DNAH9: variants seen among roughly 807,000 people sequenced by gnomAD.
DNAH9 encodes the protein DNAH9 variant protein.
Under a neutral mutation model 471.6 loss-of-function variants are expected in DNAH9, and 345 were observed. The ratio of observed to expected loss-of-function variants is 0.73; its 90% CI spans 0.67 to 0.80. The LOEUF is 0.80. Ranked by LOEUF, DNAH9 falls within the 30% of genes least tolerant of loss-of-function variation. DNAH9 has a pLI of 0.00. For synonymous variants in DNAH9, 2,093 were observed against 2,123.6 expected (o/e 0.99, Z 0.40); for missense variants, 5,407 against 5,609.2 (o/e 0.96, Z 1.15).
chr17:11,888,262 C>A (rs760112459), intron 57 of DNAH9, among the ~76,000 whole-genome samples: 22 of 152,114 alleles, frequency 1.4e-4, no homozygotes, highest in Non-Finnish European at 2.4e-4. Flanking sequence ...GGATTACAGG[C>A]GTGAGCCACT....
chr17:11,864,062 A>T (rs1366532203), intron 50 of DNAH9, among the ~76,000 whole-genome samples: 7 of 150,554 alleles, frequency 4.6e-5, no homozygotes, highest in African/African-American at 1.2e-4. Context: ...GCCTTCTGCT[A>T]GCTTTTAAAT....
At chr17:11,807,950 G>A in intron 44 of DNAH9, 56 bp downstream of exon 44, 6 of 1,540,198 alleles carry the variant, frequency 3.9e-6, no homozygotes, top group Non-Finnish European at 5.3e-6. Context: ...ACCAGCCACA[G>A]TTCCATCATC....
At chr17:11,666,451 A>T (rs2073869781) in intron 15 of DNAH9, among the ~76,000 whole-genome samples, 1 of 152,196 alleles carries the variant, frequency 6.6e-6, no homozygotes. Context: ...TTTCTCCAAG[A>T]TTACCAAAGT....
intron 48 of DNAH9, among the ~76,000 whole-genome samples, chr17:11,826,363 G>A (rs908186992): frequency 1.3e-5 from 2 of 151,244 alleles, no homozygotes; most frequent in Non-Finnish European, 2.9e-5. Context: ...GAAGCTGGGG[G>A]GGTAATTTTA....
At chr17:11,836,376 A>G (rs1205701797) in intron 49 of DNAH9, among the ~76,000 whole-genome samples, 1 of 152,160 alleles carries the variant, frequency 6.6e-6, no homozygotes, top group African/African-American at 2.4e-5. Flanking sequence ...ATGTGAGTGC[A>G]TTTTTGTATT....
Position 11,757,702 on chromosome 17 carries a change from G to A in DNAH9, c.6995+10G>A. On this transcript the variant is annotated intron_variant, in intron 35 of 68. Coordinates refer to ENST00000262442, the MANE Select transcript of DNAH9 (RefSeq NM_001372.4). Reference sequence around the variant, plus strand: ...ACACACTCAGAACCAGGTAGGCCAAGAAACAAGGAAGATAGAGAGTTAAAG... The same window carrying A: ...ACACACTCAGAACCAGGTAGGCCAAAAAACAAGGAAGATAGAGAGTTAAAG... The A allele has an allele frequency of 5.6e-6, 9 of 1,613,304 alleles. No individual in the cohort carries two copies. The Middle Eastern group carries it at 5.3e-4, about 95-fold the overall frequency.
chr17:11,877,188 G>A (rs113144546), intron 53 of DNAH9, among the ~76,000 whole-genome samples: 6,847 of 151,338 alleles, frequency 0.045, 443 homozygotes, highest in African/African-American at 0.14. Flanking sequence ...AAGTAATGGA[G>A]GCAGCTGGGC....
Position 11,610,387 on chromosome 17 carries a change from C to T in DNAH9, c.615-9C>T, listed in dbSNP as rs2072609079. ...GTTGTTATCATTGTTGTTGTTTTGT[C>T]TTTCACAGCTTGGATTCTATAGATA... On this transcript the variant is annotated splice_polypyrimidine_tract_variant and intron_variant, in intron 2 of 68. Transcript: ENST00000262442. 6.2e-7 allele frequency: 1 copy of T among 1,609,322 alleles called. No individual in the cohort carries two copies. Among genetic ancestry groups the T allele is most frequent in the Non-Finnish European group, 8.5e-7 (1 of 1,177,626 alleles).
At chr17:11,636,975 G>A (rs2073178435) in intron 9 of DNAH9, among the ~76,000 whole-genome samples, 191 bp downstream of exon 9, 1 of 152,202 alleles carries the variant, frequency 6.6e-6, no homozygotes, top group Non-Finnish European at 1.5e-5. Flanking sequence ...GGCTTTCCCT[G>A]TTTCTGGGGC....
chr17:11,955,299 A>C (rs1181207860), intron 67 of DNAH9, among the ~76,000 whole-genome samples: 3 of 152,140 alleles, frequency 2.0e-5, no homozygotes, highest in Admixed American at 1.3e-4. Context: ...ATGGCCCACA[A>C]AGCCTGTAAT....
chr17:11,627,409 A>C (rs538573045), intron 6 of DNAH9, among the ~76,000 whole-genome samples: 1 of 152,326 alleles, frequency 6.6e-6, no homozygotes, highest in South Asian at 2.1e-4. Flanking sequence ...TCTACCTTTT[A>C]AAATGGTACG....
intron 27 of DNAH9, among the ~76,000 whole-genome samples, chr17:11,725,878 C>T (rs1017889091): frequency 2.6e-5 from 4 of 151,810 alleles, no homozygotes; most frequent in African/African-American, 7.3e-5. Flanking sequence ...AAAAAACAAA[C>T]AAAAAAAATT....
At chr17:11,636,553 A>G in intron 8 of DNAH9, 81 bp from the exon 9 acceptor site, 1 of 1,188,922 alleles carries the variant, frequency 8.4e-7, no homozygotes, top group Non-Finnish European at 1.2e-6. Flanking sequence ...TATAAAGGAA[A>G]ACCAGAACAC....
At chr17:11,781,852 A>AAAAAAAAC (rs1567798343) in intron 39 of DNAH9, among the ~76,000 whole-genome samples, 2 of 149,734 alleles carry the variant, frequency 1.3e-5, no homozygotes. Context: ...AACAAACAAA[A>AAAAAAAAC]AAAAAACTAC....
At chr17:11,675,418 A>G (rs1305516481) in intron 17 of DNAH9, among the ~76,000 whole-genome samples, 1 of 152,036 alleles carries the variant, frequency 6.6e-6, no homozygotes, top group Non-Finnish European at 1.5e-5. Flanking sequence ...CTCGGTCTTT[A>G]TGCTTTATAT....
chr17:11,734,408 C>T (rs972017330), intron 28 of DNAH9, among the ~76,000 whole-genome samples: 3 of 152,180 alleles, frequency 2.0e-5, no homozygotes, highest in Admixed American at 1.3e-4. Flanking sequence ...ACCAGTGTAT[C>T]GGTACTTTCT....
intron 64 of DNAH9, among the ~76,000 whole-genome samples, chr17:11,933,486 T>G (rs554505126): frequency 6.6e-6 from 1 of 151,904 alleles, no homozygotes; most frequent in Non-Finnish European, 1.5e-5. Context: ...GTTCAAGAGA[T>G]TCTCCTGTCT....
chr17:11,742,868 T>C (rs1463411349), intron 30 of DNAH9, among the ~76,000 whole-genome samples: 6 of 152,234 alleles, frequency 3.9e-5, no homozygotes, highest in African/African-American at 1.4e-4. Context: ...GGGATTATCT[T>C]GTTTTGATCA....
intron 56 of DNAH9, among the ~76,000 whole-genome samples, chr17:11,886,164 A>G (rs956351294): frequency 1.3e-5 from 2 of 152,142 alleles, no homozygotes; most frequent in Non-Finnish European, 2.9e-5. Flanking sequence ...CTCTACTAAA[A>G]ATAACAAAAA....
Sources: allele counts gnomAD v4.1 joint callset (sites outside exome capture counted in the v4.1 genomes callset), GRCh38; gene constraint gnomAD v4.1.1; transcripts MANE v1.5; gene names NCBI Gene and HGNC (gene_info 2026-07-23, HGNC 2026-07-21).